Variants in TRHDE observed in about 807,000 individuals in gnomAD.
The protein encoded by TRHDE is thyrotropin releasing hormone degrading enzyme, also known as thyrotropin-releasing hormone-degrading ectoenzyme.
A neutral mutation model predicts 125.7 loss-of-function variants in TRHDE; 72 were observed. The ratio of observed to expected loss-of-function variants is 0.57; its 90% CI spans 0.47 to 0.70. The LOEUF (loss-of-function observed/expected upper bound fraction) is 0.70, where lower values mean the gene tolerates loss of function less well. Among genes scored for constraint, TRHDE ranks in the 30% least tolerant of loss-of-function variants. The pLI, the probability that TRHDE is intolerant of heterozygous loss-of-function variation, is 0.00. For synonymous variants in TRHDE, 509 were observed against 509.1 expected (o/e 1.00, Z 0.00); for missense variants, 1,110 against 1,327.1 (o/e 0.84, Z 2.54).
intron 2 of TRHDE, among the ~76,000 whole-genome samples, chr12:72,249,940 A>G (rs995104141): frequency 1.3e-5 from 2 of 152,206 alleles, no homozygotes; most frequent in Non-Finnish European, 2.9e-5. Flanking sequence ...AATACCACTT[A>G]TATAACTTAT....
At chr12:72,638,551 T>C (rs1393035441) in intron 15 of TRHDE, among the ~76,000 whole-genome samples, 1 of 151,936 alleles carries the variant, frequency 6.6e-6, no homozygotes, top group Non-Finnish European at 1.5e-5. Flanking sequence ...GTCATTATGA[T>C]GTTAGCTGGT....
intron 15 of TRHDE, among the ~76,000 whole-genome samples, chr12:72,638,197 G>A (rs1464628840): frequency 2.7e-5 from 4 of 147,650 alleles, no homozygotes; most frequent in Admixed American, 1.4e-4. Context: ...CCTGTATTGG[G>A]TGCATATATA....
intron 2 of TRHDE, among the ~76,000 whole-genome samples, chr12:72,123,971 T>C (rs1351591645): frequency 6.6e-6 from 1 of 152,186 alleles, no homozygotes; most frequent in Non-Finnish European, 1.5e-5. Flanking sequence ...TTGAGACTCA[T>C]CTATATTGTT....
chr12:72,327,814 G>A (rs1344414524), intron 2 of TRHDE, among the ~76,000 whole-genome samples: 2 of 150,378 alleles, frequency 1.3e-5, no homozygotes, highest in Non-Finnish European at 2.9e-5. Flanking sequence ...ATATCAGACT[G>A]TAAATGTTAA....
At chr12:72,109,405 G>T (rs1379830786) in intron 2 of TRHDE, among the ~76,000 whole-genome samples, 1 of 152,040 alleles carries the variant, frequency 6.6e-6, no homozygotes, top group African/African-American at 2.4e-5. Flanking sequence ...ATTAGTATAT[G>T]CTTGGCTGCA....
chr12:72,557,200 C>G (rs1444166971), intron 7 of TRHDE, among the ~76,000 whole-genome samples: 1 of 152,086 alleles, frequency 6.6e-6, no homozygotes, highest in African/African-American at 2.4e-5. Flanking sequence ...GGGAAGTTTT[C>G]CTGATTCCTT....
intron 2 of TRHDE, among the ~76,000 whole-genome samples, chr12:72,154,749 C>A (rs1480213855): frequency 2.0e-5 from 3 of 152,194 alleles, no homozygotes; most frequent in African/African-American, 7.2e-5. Flanking sequence ...TGTAGAGTTT[C>A]TTCTGAGAGA....
At chr12:72,459,119 T>C (rs540984221) in intron 3 of TRHDE, among the ~76,000 whole-genome samples, 1 of 152,308 alleles carries the variant, frequency 6.6e-6, no homozygotes, top group East Asian at 1.9e-4. Flanking sequence ...CATGGTCCCC[T>C]TCTATCTTCA....
At chr12:72,422,800 T>C (rs1278940825) in intron 3 of TRHDE, among the ~76,000 whole-genome samples, 1 of 152,138 alleles carries the variant, frequency 6.6e-6, no homozygotes, top group East Asian at 1.9e-4. Flanking sequence ...GAATAGGGCC[T>C]AATCAAAGGT....
intron 5 of TRHDE, among the ~76,000 whole-genome samples, chr12:72,494,262 A>G (rs80326378): frequency 0.01 from 1,577 of 152,122 alleles, 23 homozygotes; most frequent in African/African-American, 0.036. Context: ...CATAAAAGCC[A>G]TTTATGTTCA....
intron 3 of TRHDE, among the ~76,000 whole-genome samples, chr12:72,459,437 G>A (rs1007276966): frequency 3.3e-5 from 5 of 152,052 alleles, no homozygotes; most frequent in Admixed American, 1.3e-4. Flanking sequence ...TTCTAAGCAC[G>A]CCACATATAT....
intron 2 of TRHDE, among the ~76,000 whole-genome samples, chr12:72,170,203 A>T (rs374210472): frequency 1.9e-4 from 29 of 152,310 alleles, no homozygotes; most frequent in African/African-American, 7.0e-4. Context: ...TGGATTTCTT[A>T]AAGTGATGAC....
Position 72,489,787 on chromosome 12 carries a change from C to T in TRHDE, c.1585-9711C>T, listed in dbSNP as rs185224021. On this transcript the variant is annotated intron_variant, in intron 5 of 18. Coordinates refer to ENST00000261180, the MANE Select transcript of TRHDE (RefSeq NM_013381.3). ...ACATGGTGCTGAGAAAGCTAGATTTCCATATGTCAAAGAATAAAATGAGAC... is the reference window on the plus strand; with the variant it reads ...ACATGGTGCTGAGAAAGCTAGATTTTCATATGTCAAAGAATAAAATGAGAC... Among the ~76,000 whole-genome samples the T allele has an allele frequency of 1.7e-4, 26 of 151,712 alleles. No individual in the cohort carries two copies. In the East Asian group the frequency reaches 4.7e-3, roughly 27 times the overall value.
intron 7 of TRHDE, among the ~76,000 whole-genome samples, chr12:72,554,101 G>T (rs1869809263): frequency 6.6e-6 from 1 of 151,938 alleles, no homozygotes; most frequent in African/African-American, 2.4e-5. Flanking sequence ...ATGCGCTTCG[G>T]CCTCCCAAAG....
intron 3 of TRHDE, among the ~76,000 whole-genome samples, chr12:72,401,157 T>C (rs538539339): frequency 6.6e-6 from 1 of 152,300 alleles, no homozygotes; most frequent in Non-Finnish European, 1.5e-5. Flanking sequence ...ATTTGGCTTT[T>C]GGTGGGTATT....
At chr12:72,115,167 C>T (rs1033685140) in intron 2 of TRHDE, among the ~76,000 whole-genome samples, 1 of 151,990 alleles carries the variant, frequency 6.6e-6, no homozygotes, top group African/African-American at 2.4e-5. Context: ...CTATCAAATA[C>T]TAGATCTTAT....
rs371853289 is a variant in TRHDE, at chr12:72,273,606, C to G, written c.914+49C>G. The G allele has an allele frequency of 8.5e-6, 13 of 1,524,742 alleles. No homozygotes were observed. Among genetic ancestry groups the G allele is most frequent in the African/African-American group, 8.2e-5 (6 of 72,986 alleles). 94.5% of individuals were successfully genotyped at this position (1,524,742 alleles called of 1,614,324 possible). On this transcript the variant is annotated intron_variant, in intron 1 of 18. Transcript: ENST00000261180. The surrounding 1 kb of genome is among the most constrained non-coding windows in gnomAD (Gnocchi z 5.3). ...CGCTGCCCCACCCCGGCGCGCGGCT[C>G]GAACCTCTGGGCGGCCTGCGACCCC...
At chr12:72,520,512 C>T (rs370268528) in intron 6 of TRHDE, among the ~76,000 whole-genome samples, 9 of 149,822 alleles carry the variant, frequency 6.0e-5, no homozygotes, top group Admixed American at 2.3e-4. Context: ...GCGCACGGTG[C>T]GCGCACCCAC....
intron 12 of TRHDE, among the ~76,000 whole-genome samples, chr12:72,613,024 A>C (rs1285798634): frequency 6.6e-6 from 1 of 152,138 alleles, no homozygotes; most frequent in Non-Finnish European, 1.5e-5. Context: ...TGTTTCCTGG[A>C]TGTCTTATTT....
Sources: allele counts gnomAD v4.1 joint callset (sites outside exome capture counted in the v4.1 genomes callset), GRCh38; gene constraint gnomAD v4.1.1; non-coding constraint Gnocchi (gnomAD v3.1); transcripts MANE v1.5; gene names NCBI Gene and HGNC (gene_info 2026-07-23, HGNC 2026-07-21).